The following RALYL variants were observed in gnomAD, a reference collection of about 807,000 sequenced individuals.
RALYL encodes RNA-binding Raly-like protein.
In RALYL, 29 loss-of-function variants were observed where a neutral mutation model predicts 35.1. The ratio of observed to expected loss-of-function variants is 0.83; its 90% CI spans 0.61 to 1.13. RALYL has a LOEUF of 1.13. Among genes scored for constraint, RALYL ranks in the 50% most tolerant of loss-of-function variants. The pLI is 0.00. For missense variants in RALYL, 359 were observed against 360.4 expected (o/e 1.00, Z 0.03); for synonymous variants, 120 against 127.6 (o/e 0.94, Z 0.40).
chr8:84,246,851 CA>C (rs967282936), intron 1 of RALYL, among the ~76,000 whole-genome samples: 3 of 149,732 alleles, frequency 2.0e-5, no homozygotes, highest in African/African-American at 7.4e-5. Context: ...AATCTCCAAG[CA>C]AAAAAAAAGT....
At chr8:84,365,639 G>T (rs1854080455) in intron 1 of RALYL, among the ~76,000 whole-genome samples, 1 of 152,116 alleles carries the variant, frequency 6.6e-6, no homozygotes, top group African/African-American at 2.4e-5. Flanking sequence ...TACTTAGAAT[G>T]GAAGAAGAAT....
At chr8:84,470,648 T>C (rs1382265657) in intron 1 of RALYL, among the ~76,000 whole-genome samples, 22 of 152,182 alleles carry the variant, frequency 1.4e-4, no homozygotes, top group Non-Finnish European at 2.8e-4. Flanking sequence ...GAATGCTGCT[T>C]ATTTTCCCCA....
chr8:84,650,760 GAC>G (rs1209156304), intron 2 of RALYL, among the ~76,000 whole-genome samples: 85 of 151,708 alleles, frequency 5.6e-4, no homozygotes, highest in Middle Eastern at 3.4e-3. Context: ...CTGCTATAAA[GAC>G]ACATGCACAC....
chr8:84,477,907 A>G (rs1253815595), intron 1 of RALYL, among the ~76,000 whole-genome samples: 1 of 152,090 alleles, frequency 6.6e-6, no homozygotes, highest in Admixed American at 6.5e-5. Context: ...GTGTAAGAAT[A>G]TCAGAAAAAG....
chr8:84,511,712 A>G (rs113028015), intron 1 of RALYL, among the ~76,000 whole-genome samples: 3 of 152,154 alleles, frequency 2.0e-5, no homozygotes, highest in African/African-American at 7.2e-5. Context: ...CCCCATACCC[A>G]CATATGCCCT....
intron 7 of RALYL, among the ~76,000 whole-genome samples, chr8:84,882,804 G>A (rs1328548061): frequency 2.9e-5 from 4 of 140,284 alleles, no homozygotes; most frequent in Non-Finnish European, 6.0e-5. Context: ...GAATAACTAT[G>A]CAAATAAAGA....
chr8:84,726,395 G>C (rs1335915575), intron 2 of RALYL, among the ~76,000 whole-genome samples: 2 of 149,606 alleles, frequency 1.3e-5, no homozygotes, highest in Non-Finnish European at 3.0e-5. Context: ...TTGAAAATTA[G>C]AGTATAAAAG....
At chr8:84,706,480 G>A (rs1178516050) in intron 2 of RALYL, among the ~76,000 whole-genome samples, 1 of 152,128 alleles carries the variant, frequency 6.6e-6, no homozygotes, top group African/African-American at 2.4e-5. Context: ...ACAACTCTTA[G>A]GGAGTAGAAA....
intron 2 of RALYL, among the ~76,000 whole-genome samples, chr8:84,610,284 T>C (rs1024215976): frequency 2.0e-4 from 31 of 152,108 alleles, no homozygotes; most frequent in Admixed American, 3.3e-4. Context: ...TCCCAGACTT[T>C]CTTTGTTTTT....
intron 2 of RALYL, among the ~76,000 whole-genome samples, chr8:84,595,158 G>A (rs1235215338): frequency 6.6e-6 from 1 of 152,070 alleles, no homozygotes; most frequent in Admixed American, 6.5e-5. Flanking sequence ...GCACGGGGCA[G>A]GAACTCCATA....
chr8:84,878,339 A>G (rs1156634715), intron 7 of RALYL, among the ~76,000 whole-genome samples: 2 of 152,168 alleles, frequency 1.3e-5, no homozygotes, highest in Non-Finnish European at 2.9e-5. Context: ...GGACACTAGA[A>G]GAGTCTTCAG....
intron 1 of RALYL, among the ~76,000 whole-genome samples, chr8:84,250,046 C>T (rs1036942008): frequency 2.0e-5 from 3 of 151,726 alleles, no homozygotes. Context: ...TAATTTATTA[C>T]AATATCCAGT....
chr8:84,797,672 T>G (rs1822263990), intron 3 of RALYL, among the ~76,000 whole-genome samples: 1 of 152,188 alleles, frequency 6.6e-6, no homozygotes, highest in African/African-American at 2.4e-5. Context: ...GTATTCCCTA[T>G]TAAGAGATTA....
At chr8:84,201,656 G>A (rs909423185) in intron 1 of RALYL, among the ~76,000 whole-genome samples, 3 of 151,376 alleles carry the variant, frequency 2.0e-5, no homozygotes, top group Non-Finnish European at 2.9e-5. Flanking sequence ...TTGAACTCCT[G>A]AGCATAAGGG....
chr8:84,199,230 A>AT (rs1816230666), intron 1 of RALYL, among the ~76,000 whole-genome samples: 1 of 151,956 alleles, frequency 6.6e-6, no homozygotes, highest in African/African-American at 2.4e-5. Context: ...TTCGATGTGC[A>AT]TTTCTCTGTG....
At chr8:84,770,166 C>T (rs565034608) in intron 2 of RALYL, among the ~76,000 whole-genome samples, 1 of 152,184 alleles carries the variant, frequency 6.6e-6, no homozygotes, top group Non-Finnish European at 1.5e-5. Context: ...ATACACTAAA[C>T]CCAATTTTTA....
chr8:84,486,242 A>G (rs999699648), intron 1 of RALYL, among the ~76,000 whole-genome samples: 20 of 150,490 alleles, frequency 1.3e-4, no homozygotes, highest in Non-Finnish European at 2.8e-4. Context: ...AATAAACCAA[A>G]ACAATATAAA....
At chr8:84,387,130 A>AG in intron 1 of RALYL, among the ~76,000 whole-genome samples, 1 of 151,982 alleles carries the variant, frequency 6.6e-6, no homozygotes, top group South Asian at 2.1e-4. Context: ...GAGGTAATGT[A>AG]TGTAAGTAAC....
At chr8:84,894,884 A>G (rs1053593614) in intron 8 of RALYL, among the ~76,000 whole-genome samples, 3 of 152,214 alleles carry the variant, frequency 2.0e-5, no homozygotes, top group Non-Finnish European at 4.4e-5. Context: ...TGTTAGAAAC[A>G]AGAGCTCTGC....
Sources: gnomAD v4.1 joint callset for allele counts (sites outside exome capture counted in the v4.1 genomes callset) on GRCh38, gnomAD v4.1.1 for gene constraint, MANE v1.5 for transcripts, NCBI Gene and HGNC (gene_info 2026-07-23, HGNC 2026-07-21) for gene names.